SCD5: variants seen among roughly 807,000 people sequenced by gnomAD.
SCD5 encodes the protein stearoyl-CoA desaturase 5.
Under a neutral mutation model 30.4 loss-of-function variants are expected in SCD5, and 20 were observed. That is an observed-to-expected ratio of 0.66 (90% CI 0.46 to 0.96). SCD5 has a LOEUF of 0.96. SCD5 is among the 40% of genes least tolerant of loss of function. The pLI, the probability that SCD5 is intolerant of heterozygous loss-of-function variation, is 0.00. For missense variants in SCD5, 381 were observed against 443.3 expected (o/e 0.86, Z 1.26); for synonymous variants, 173 against 176.4 (o/e 0.98, Z 0.16).
chr4:82,631,981 C>A (rs890776033), intron 4 of SCD5, among the ~76,000 whole-genome samples: 1 of 151,830 alleles, frequency 6.6e-6, no homozygotes, highest in African/African-American at 2.4e-5. Flanking sequence ...ATTATTCTAC[C>A]CCTTCCAGTG....
chr4:82,709,613 C>G (rs1014494430), intron 1 of SCD5, among the ~76,000 whole-genome samples: 1 of 152,176 alleles, frequency 6.6e-6, no homozygotes, highest in East Asian at 1.9e-4. Flanking sequence ...GAGGGACTCA[C>G]AGATGCAAAG....
chr4:82,684,076 A>C (rs112607860), intron 2 of SCD5, among the ~76,000 whole-genome samples: 4 of 152,352 alleles, frequency 2.6e-5, no homozygotes, highest in African/African-American at 9.6e-5. Flanking sequence ...AATTAATTAT[A>C]ATACAACAAC....
At chr4:82,772,048 G>A (rs892118456) in intron 1 of SCD5, among the ~76,000 whole-genome samples, 2 of 152,194 alleles carry the variant, frequency 1.3e-5, no homozygotes, top group Non-Finnish European at 2.9e-5. Flanking sequence ...GCTGAGTCTC[G>A]AAGGGCAAAG....
intron 1 of SCD5, among the ~76,000 whole-genome samples, chr4:82,738,370 C>A (rs112538771): frequency 1.3e-5 from 2 of 152,128 alleles, no homozygotes; most frequent in Admixed American, 1.3e-4. Context: ...TGCAGTGAGC[C>A]GAGATCGTGC....
Position 82,708,584 on chromosome 4 carries a change from A to G in SCD5, c.233-3171T>C, listed in dbSNP as rs896305315. Among the ~76,000 whole-genome samples, 4 of 152,240 alleles carry G rather than the reference A, an allele frequency of 2.6e-5. No homozygotes were observed. In the South Asian group the frequency reaches 8.3e-4, roughly 32 times the overall value. ...TTGCACCACAAGCCCAAGATCTAGC[A>G]GCCAGGGATGGGAAGAGACAGAGTC... On this transcript the variant is annotated intron_variant, in intron 1 of 4. Transcript: ENST00000319540.
intron 1 of SCD5, among the ~76,000 whole-genome samples, chr4:82,789,952 G>C (rs373863757): frequency 2.6e-5 from 4 of 152,256 alleles, no homozygotes; most frequent in African/African-American, 9.6e-5. Context: ...TGTTGTTGTT[G>C]TTGTTAGTGT....
At chr4:82,790,139 C>A (rs1222000654) in intron 1 of SCD5, among the ~76,000 whole-genome samples, 1 of 152,092 alleles carries the variant, frequency 6.6e-6, no homozygotes, top group Admixed American at 6.5e-5. Flanking sequence ...GATGTTTGTC[C>A]CAGTGTCTTT....
intron 3 of SCD5, among the ~76,000 whole-genome samples, chr4:82,673,512 A>G (rs1449690814): frequency 1.3e-5 from 2 of 152,182 alleles, no homozygotes; most frequent in African/African-American, 4.8e-5. Flanking sequence ...TCAAAGAAGA[A>G]CTAAATAGAT....
intron 1 of SCD5, among the ~76,000 whole-genome samples, chr4:82,712,259 T>TAC (rs1720111770): frequency 2.6e-4 from 10 of 37,892 alleles, no homozygotes; most frequent in Non-Finnish European, 3.9e-4. Flanking sequence ...TATATATATA[T>TAC]ATATATATAT....
chr4:82,642,355 C>T (rs1403185578), intron 3 of SCD5, among the ~76,000 whole-genome samples: 13 of 152,234 alleles, frequency 8.5e-5, no homozygotes, highest in Admixed American at 7.8e-4. Context: ...CAGAGATAAA[C>T]GCGGCTGGAG....
chr4:82,708,061 A>G (rs1415208779), intron 1 of SCD5, among the ~76,000 whole-genome samples: 1 of 152,200 alleles, frequency 6.6e-6, no homozygotes, highest in Non-Finnish European at 1.5e-5. Flanking sequence ...GGGAAAGTAA[A>G]CAGGCTGGTG....
Position 82,798,413 on chromosome 4 carries a change from C to T in SCD5, c.125G>A (p.Arg42Gln), listed in dbSNP as rs144761755. 1 of 1,613,320 alleles carries T rather than the reference C, an allele frequency of 6.2e-7. No individual in the cohort carries two copies. Among genetic ancestry groups the T allele is most frequent in the East Asian group, 2.2e-5 (1 of 44,840 alleles). ...GPERPGARGQ[R>Q]QNIVWRNVVL... Reference sequence around the variant, plus strand: ...GACATTCCTCCAGACGATGTTCTGCCGCTGCCCGCGCGCGCCTGGCCTCTC... The same window carrying T: ...GACATTCCTCCAGACGATGTTCTGCTGCTGCCCGCGCGCGCCTGGCCTCTC... Residue 42 changes from arginine to glutamine, a missense_variant, in exon 1 of 5, where the codon CGG becomes CAG. Coordinates refer to ENST00000319540, the MANE Select transcript of SCD5 (RefSeq NM_001037582.3).
chr4:82,733,663 A>G (rs1156297118), intron 1 of SCD5, among the ~76,000 whole-genome samples: 1 of 152,188 alleles, frequency 6.6e-6, no homozygotes, highest in African/African-American at 2.4e-5. Flanking sequence ...GAATTCCGTA[A>G]CAATTTCTCC....
At chr4:82,732,686 T>A (rs1236953938) in intron 1 of SCD5, among the ~76,000 whole-genome samples, 2 of 152,140 alleles carry the variant, frequency 1.3e-5, no homozygotes, top group East Asian at 3.9e-4. Flanking sequence ...CAGTATTCAT[T>A]GAAAGGAGTC....
chr4:82,636,542 A>G, intron 4 of SCD5, 49 bp downstream of exon 4: 1 of 1,476,614 alleles, frequency 6.8e-7, no homozygotes, highest in Non-Finnish European at 9.3e-7. Context: ...AGAGGCCAAG[A>G]AAACCTGGGC....
rs145962350 is a variant in SCD5, at chr4:82,783,296, G to C, written c.232+15010C>G. On this transcript the variant is annotated intron_variant, in intron 1 of 4. Transcript: ENST00000319540. ...AAGGTTGCCCCCAAAGTTTTCCATG[G>C]ACAATGTAGCCAGAATGACCTCTGC... Among the ~76,000 whole-genome samples the C allele has an allele frequency of 1.4e-4, 22 of 152,232 alleles. 1 individual carries two copies. The highest frequency in any genetic ancestry group is 3.9e-4 in the African/African-American group (16 of 41,536).
intron 1 of SCD5, among the ~76,000 whole-genome samples, chr4:82,723,445 AT>A (rs1720411024): frequency 1.3e-5 from 2 of 152,212 alleles, no homozygotes. Context: ...AAGAATGAAC[AT>A]GCATTTCAAT....
chr4:82,777,129 G>A (rs542314461), intron 1 of SCD5, among the ~76,000 whole-genome samples: 32 of 152,274 alleles, frequency 2.1e-4, no homozygotes, highest in African/African-American at 7.5e-4. Context: ...CCCTCTCTCT[G>A]AGCACCTTAA....
intron 1 of SCD5, among the ~76,000 whole-genome samples, chr4:82,740,519 A>C (rs1720850431): frequency 6.6e-6 from 1 of 152,222 alleles, no homozygotes; most frequent in South Asian, 2.1e-4. Context: ...TTTTCACAAT[A>C]AGCTTTGGAG....
Sources: gnomAD v4.1 joint callset for allele counts (sites outside exome capture counted in the v4.1 genomes callset) on GRCh38, gnomAD v4.1.1 for gene constraint, MANE v1.5 for transcripts, NCBI Gene and HGNC (gene_info 2026-07-23, HGNC 2026-07-21) for gene names.